The following RGPD2 variants were observed in gnomAD, a reference collection of about 807,000 sequenced individuals.
The protein encoded by RGPD2 is RANBP2 like and GRIP domain containing 2, also known as RANBP2-like and GRIP domain-containing protein 2.
RGPD2 carries 2 observed loss-of-function variants against 36.0 expected under a neutral mutation model. The ratio of observed to expected loss-of-function variants is 0.06; its 90% CI spans 0.02 to 0.17. The LOEUF (loss-of-function observed/expected upper bound fraction) is 0.17, where lower values mean the gene tolerates loss of function less well. Ranked by LOEUF, RGPD2 falls within the 10% of genes least tolerant of loss-of-function variation. The pLI is 1.00. For synonymous variants in RGPD2, 19 were observed against 163.8 expected (o/e 0.12, Z 6.75); for missense variants, 40 against 464.3 (o/e 0.09, Z 8.40).
the RGPD2 span, among the ~76,000 whole-genome samples, chr2:87,879,450 C>T: frequency 4.8e-5 from 7 of 145,740 alleles, no homozygotes; most frequent in African/African-American, 1.8e-4. Context: ...TCACATCCCC[C>T]CACCCCTGAC....
the RGPD2 span, among the ~76,000 whole-genome samples, chr2:87,921,815 T>C: frequency 3.9e-5 from 6 of 151,932 alleles, no homozygotes; most frequent in African/African-American, 1.2e-4. Flanking sequence ...AGATGTAAAA[T>C]TGAAAGAGTC....
the RGPD2 span, among the ~76,000 whole-genome samples, chr2:87,875,758 C>A: frequency 6.6e-6 from 1 of 152,292 alleles, no homozygotes; most frequent in Non-Finnish European, 1.5e-5. Context: ...GGGAGTCCCT[C>A]AATTGTTTGC....
the RGPD2 span, among the ~76,000 whole-genome samples, chr2:87,880,468 TTGAC>T: frequency 1.1e-5 from 1 of 92,514 alleles, no homozygotes; most frequent in Non-Finnish European, 2.0e-5. Flanking sequence ...AAAGGTTTAA[TTGAC>T]TGACAGTTGT....
chr2:87,948,394 T>G, the RGPD2 span, among the ~76,000 whole-genome samples: 46 of 152,112 alleles, frequency 3.0e-4, no homozygotes, highest in African/African-American at 9.1e-4. Flanking sequence ...TTTTTTTTTT[T>G]TGTGGAGATG....
the RGPD2 span, among the ~76,000 whole-genome samples, chr2:87,860,215 GA>G: frequency 6.6e-6 from 1 of 151,404 alleles, no homozygotes; most frequent in Non-Finnish European, 1.5e-5. Context: ...CACAGCTTTA[GA>G]AAACCAGAAA....
chr2:87,941,083 CTG>C, the RGPD2 span, among the ~76,000 whole-genome samples: 1 of 151,582 alleles, frequency 6.6e-6, no homozygotes, highest in Non-Finnish European at 1.5e-5. Context: ...TGTGTGAAAA[CTG>C]AAAATATGAA....
At position 87,756,354 on chromosome 2, in the gene RGPD2, G is replaced by C. The variant is rs1684719773; in HGVS notation, c.*1038C>G. 7.5e-6 allele frequency: 1 copy of C among 133,430 alleles called. No individual in the cohort carries two copies. Among genetic ancestry groups the C allele is most frequent in the Admixed American group, 7.8e-5 (1 of 12,886 alleles). The allele number at this position is 133,430 out of a possible 1,614,324, so 8.3% of individuals were successfully genotyped here. ...AGCCTGAAGAAATAGAAGTGGGTTG[G>C]ATCTCTTTCAGCCTCGGAAAAGCCT... is the stretch of plus-strand genomic sequence containing the variant. On this transcript the variant is annotated 3_prime_UTR_variant, in exon 23 of 23. Transcript: ENST00000398146.
At chr2:87,972,890 C>G in the RGPD2 span, 1 of 1,612,558 alleles carries the variant, frequency 6.2e-7, no homozygotes, top group South Asian at 1.1e-5. Flanking sequence ...CCGCCACCGA[C>G]GAGCTAAACT....
At chr2:87,843,442 C>G in the RGPD2 span, among the ~76,000 whole-genome samples, 2 of 131,440 alleles carry the variant, frequency 1.5e-5, 1 homozygote, top group Middle Eastern at 7.1e-3. Flanking sequence ...ATTTATGCAG[C>G]CAAAAAACAC....
chr2:87,877,269 G>A, the RGPD2 span, among the ~76,000 whole-genome samples: 1 of 152,030 alleles, frequency 6.6e-6, no homozygotes, highest in African/African-American at 2.4e-5. Context: ...TTATTTTGCA[G>A]ACTTGTTTAT....
At chr2:87,885,992 T>G in the RGPD2 span, among the ~76,000 whole-genome samples, 1 of 151,874 alleles carries the variant, frequency 6.6e-6, no homozygotes, top group Non-Finnish European at 1.5e-5. Flanking sequence ...TGTTAAAAAT[T>G]TTCAGTGTTT....
chr2:87,807,380 G>GTTTTTT (rs992462711), intron 6 of RGPD2, among the ~76,000 whole-genome samples: 35 of 81,960 alleles, frequency 4.3e-4, no homozygotes, highest in African/African-American at 6.4e-4. Context: ...GCGTTAAATT[G>GTTTTTT]TTTTTTTTTT....
At chr2:87,809,268 G>A (rs1365478833) in intron 6 of RGPD2, among the ~76,000 whole-genome samples, 2 of 150,684 alleles carry the variant, frequency 1.3e-5, no homozygotes, top group Non-Finnish European at 3.0e-5. Context: ...TGGCGCCACT[G>A]CACTCCAGCC....
At chr2:87,825,497 C>T (rs1468562292) in intron 1 of RGPD2, among the ~76,000 whole-genome samples, 161 bp downstream of exon 1, 1 of 56,682 alleles carries the variant, frequency 1.8e-5, no homozygotes, top group South Asian at 7.8e-4. Context: ...GCCGCCCGGC[C>T]GAGGCCGAGG....
the RGPD2 span, among the ~76,000 whole-genome samples, chr2:87,879,911 A>G: frequency 2.7e-5 from 1 of 37,596 alleles, no homozygotes; most frequent in African/African-American, 1.5e-4. Context: ...CAAAATGGCT[A>G]TGCTAATGTA....
the RGPD2 span, among the ~76,000 whole-genome samples, chr2:87,842,676 C>T: frequency 2.6e-5 from 4 of 151,040 alleles, no homozygotes; most frequent in African/African-American, 9.8e-5. Context: ...CATCAAGCTA[C>T]CAATGACTTT....
chr2:87,853,727 A>C, the RGPD2 span, among the ~76,000 whole-genome samples: 1 of 151,376 alleles, frequency 6.6e-6, no homozygotes, highest in Admixed American at 6.6e-5. Context: ...TTTTGCTTTC[A>C]TACTTCTTCC....
At chr2:87,911,277 T>C in the RGPD2 span, among the ~76,000 whole-genome samples, 1 of 143,676 alleles carries the variant, frequency 7.0e-6, no homozygotes, top group African/African-American at 2.6e-5. Flanking sequence ...CTGTGTTTAC[T>C]TTTGACTAGC....
intron 1 of RGPD2, among the ~76,000 whole-genome samples, chr2:87,822,139 G>T (rs1447517576): frequency 6.6e-6 from 1 of 152,144 alleles, no homozygotes; most frequent in Non-Finnish European, 1.5e-5. Flanking sequence ...GATTATACAG[G>T]ACAATGAGGA....
Sources: allele counts gnomAD v4.1 joint callset (sites outside exome capture counted in the v4.1 genomes callset), GRCh38; gene constraint gnomAD v4.1.1; transcripts MANE v1.5; gene names NCBI Gene and HGNC (gene_info 2026-07-23, HGNC 2026-07-21).